MRAS: variants seen among roughly 807,000 people sequenced by gnomAD.
The protein encoded by MRAS is ras-related protein M-Ras.
A neutral mutation model predicts 20.9 loss-of-function variants in MRAS; 4 were observed. The observed-to-expected ratio is 0.19, with a 90% CI of 0.09 to 0.44. The LOEUF (loss-of-function observed/expected upper bound fraction) is 0.44. Among genes scored for constraint, MRAS ranks in the 20% least tolerant of loss-of-function variants. The pLI, the probability that MRAS is intolerant of heterozygous loss-of-function variation, is 0.99. For synonymous variants in MRAS, 98 were observed against 102.9 expected (o/e 0.95, Z 0.29); for missense variants, 154 against 277.5 (o/e 0.56, Z 3.16).
At chr3:138,366,787 G>C (rs973487252) in intron 1 of MRAS, among the ~76,000 whole-genome samples, 4 of 152,240 alleles carry the variant, frequency 2.6e-5, no homozygotes, top group African/African-American at 9.6e-5. Flanking sequence ...CTGCTATGCA[G>C]CTCCTTCTGG....
intron 1 of MRAS, among the ~76,000 whole-genome samples, chr3:138,360,251 C>G (rs2054418193): frequency 6.6e-6 from 1 of 152,346 alleles, no homozygotes; most frequent in Middle Eastern, 3.4e-3. Flanking sequence ...GCATCCGTCT[C>G]TCAGGCAGGG....
chr3:138,370,042 G>A (rs894326029), intron 1 of MRAS, among the ~76,000 whole-genome samples: 3 of 152,154 alleles, frequency 2.0e-5, no homozygotes, highest in African/African-American at 4.8e-5. Context: ...AACACCGACC[G>A]GGAACGGTGG....
At chr3:138,367,610 C>T (rs1312838480) in intron 1 of MRAS, among the ~76,000 whole-genome samples, 1 of 152,176 alleles carries the variant, frequency 6.6e-6, no homozygotes, top group Non-Finnish European at 1.5e-5. Flanking sequence ...GGGTGTGACC[C>T]CCTGCTTCTT....
chr3:138,396,666 T>TG (rs1357484779), intron 2 of MRAS, among the ~76,000 whole-genome samples: 2 of 151,936 alleles, frequency 1.3e-5, no homozygotes, highest in African/African-American at 4.8e-5. Context: ...CAGGAGTAGT[T>TG]GGGGGGATGG....
rs1392138162 is a variant in MRAS, at chr3:138,404,899, C to T, written c.*2630C>T. On this transcript the variant is annotated 3_prime_UTR_variant, in exon 6 of 6. Coordinates refer to ENST00000423968, the MANE Select transcript of MRAS (RefSeq NM_001085049.3). ...ACATCCTCATGTTCCCGTTGGTCTT[C>T]CGGAGAATAGTGCTACCCTCACATC... 1 of 152,206 alleles carries T rather than the reference C, an allele frequency of 6.6e-6. No individual in the cohort carries two copies. The highest frequency in any genetic ancestry group is 6.5e-5 in the Admixed American group (1 of 15,272). 9.4% of individuals were successfully genotyped at this position (152,206 alleles called of 1,614,324 possible).
Position 138,404,366 on chromosome 3 carries a change from A to G in MRAS, c.*2097A>G, listed in dbSNP as rs2055417539. 6.6e-6 allele frequency: 1 copy of G among 152,138 alleles called. No homozygotes were observed. The allele number at this position is 152,138 out of a possible 1,614,324, so 9.4% of individuals were successfully genotyped here. On this transcript the variant is annotated 3_prime_UTR_variant, in exon 6 of 6. Coordinates refer to ENST00000423968, the MANE Select transcript of MRAS (RefSeq NM_001085049.3). The stretch of plus-strand genomic sequence containing the variant: ...AAACTCCTGCTGGGCACCAACCACT[A>G]CGAGCATACCCCATGCCCACCGTGG...
At chr3:138,376,034 G>A (rs1286954391) in intron 2 of MRAS, among the ~76,000 whole-genome samples, 1 of 152,062 alleles carries the variant, frequency 6.6e-6, no homozygotes, top group African/African-American at 2.4e-5. Flanking sequence ...TGTTTTAAAA[G>A]CACTGAATTA....
Position 138,404,768 on chromosome 3 carries a change from T to C in MRAS, c.*2499T>C, listed in dbSNP as rs2055425787. 6.6e-6 allele frequency: 1 copy of C among 152,066 alleles called. No homozygotes were observed. Among genetic ancestry groups the C allele is most frequent in the Non-Finnish European group, 1.5e-5 (1 of 68,032 alleles). The allele number at this position is 152,066 out of a possible 1,614,324, so 9.4% of individuals were successfully genotyped here. Reference sequence around the variant, plus strand: ...AGAGTGTAGAGTGTGCCCCGTGACATCCCTCCATCTTCTCCTCCATTATCA... The same window carrying C: ...AGAGTGTAGAGTGTGCCCCGTGACACCCCTCCATCTTCTCCTCCATTATCA... On this transcript the variant is annotated 3_prime_UTR_variant, in exon 6 of 6. Transcript: ENST00000423968.
chr3:138,352,985 G>A (rs889310369), intron 1 of MRAS, among the ~76,000 whole-genome samples: 2 of 152,130 alleles, frequency 1.3e-5, no homozygotes, highest in Non-Finnish European at 2.9e-5. Context: ...CTGGAAGAAT[G>A]AAGACCACTA....
intron 1 of MRAS, among the ~76,000 whole-genome samples, chr3:138,356,386 A>G (rs547485618): frequency 2.0e-5 from 3 of 152,262 alleles, no homozygotes; most frequent in African/African-American, 4.8e-5. Flanking sequence ...AGCATTATGT[A>G]TTCATTTCAA....
intron 1 of MRAS, among the ~76,000 whole-genome samples, chr3:138,357,108 C>T (rs1318596589): frequency 6.6e-6 from 1 of 152,256 alleles, no homozygotes; most frequent in Non-Finnish European, 1.5e-5. Context: ...AACAAAATAA[C>T]CATTCTAATA....
chr3:138,384,900 G>A (rs1037401337), intron 2 of MRAS, among the ~76,000 whole-genome samples: 3 of 152,186 alleles, frequency 2.0e-5, no homozygotes, highest in Non-Finnish European at 2.9e-5. Flanking sequence ...ATGAGAGACC[G>A]GCCAGGAGCC....
At chr3:138,369,015 G>T (rs981513515) in intron 1 of MRAS, among the ~76,000 whole-genome samples, 12 of 152,144 alleles carry the variant, frequency 7.9e-5, no homozygotes, top group Non-Finnish European at 1.8e-4. Context: ...GCTCACACTT[G>T]ATTCCAAGGG....
chr3:138,348,809 C>T (rs2054166873), intron 1 of MRAS, 42 bp downstream of exon 1: 2 of 151,422 alleles, frequency 1.3e-5, no homozygotes, highest in African/African-American at 4.9e-5. Flanking sequence ...GGCCCGGCCG[C>T]GCCGCCTCTC....
intron 1 of MRAS, among the ~76,000 whole-genome samples, chr3:138,365,300 A>C (rs2108509507): frequency 6.6e-6 from 1 of 152,242 alleles, no homozygotes; most frequent in Non-Finnish European, 1.5e-5. Context: ...CTGCATACCT[A>C]CTCTGAGACT....
intron 1 of MRAS, among the ~76,000 whole-genome samples, chr3:138,362,782 G>A (rs1055183966): frequency 1.3e-5 from 2 of 151,942 alleles, no homozygotes; most frequent in African/African-American, 4.8e-5. Flanking sequence ...CCACTGTGTG[G>A]CAGGCACCGT....
intron 1 of MRAS, among the ~76,000 whole-genome samples, chr3:138,365,782 A>G (rs963461758): frequency 6.6e-6 from 1 of 152,210 alleles, no homozygotes; most frequent in African/African-American, 2.4e-5. Context: ...TCTGCTGCCA[A>G]GAGTACTGTG....
intron 2 of MRAS, among the ~76,000 whole-genome samples, chr3:138,391,062 C>T (rs2055122943): frequency 6.6e-6 from 1 of 151,882 alleles, no homozygotes; most frequent in South Asian, 2.1e-4. Flanking sequence ...TAAATTGGTC[C>T]TTTGAAAGAA....
rs1161497958 is a variant in MRAS, at chr3:138,400,750, G to C, written c.527+137G>C. ...TTCTGGGCCTATTTTTGGATTTCTT[G>C]TCCCTCCTTCCATTTCTTTCTTTTG... On this transcript the variant is annotated intron_variant, in intron 5 of 5. Coordinates refer to ENST00000423968, the MANE Select transcript of MRAS (RefSeq NM_001085049.3). 4.2e-6 allele frequency: 3 copies of C among 722,488 alleles called. No homozygotes were observed. The South Asian group carries it at 5.4e-5, about 13-fold the overall frequency. The allele number at this position is 722,488 out of a possible 1,614,324, so 44.8% of individuals were successfully genotyped here. A position where few individuals can be genotyped will look rare whatever the true frequency, so the allele number is the denominator to read the frequency against.
Sources: gnomAD v4.1 joint callset for allele counts (sites outside exome capture counted in the v4.1 genomes callset) on GRCh38, gnomAD v4.1.1 for gene constraint, MANE v1.5 for transcripts, NCBI Gene and HGNC (gene_info 2026-07-23, HGNC 2026-07-21) for gene names.